Variants in PRDM16 observed in about 807,000 individuals in gnomAD.
The protein encoded by PRDM16 is PR/SET domain 16, also known as histone-lysine N-methyltransferase PRDM16.
Under a neutral mutation model 110.6 loss-of-function variants are expected in PRDM16, and 23 were observed. The observed-to-expected ratio is 0.21, with a 90% confidence interval of 0.15 to 0.29. The LOEUF is 0.29. Ranked by LOEUF, PRDM16 falls within the 10% of genes least tolerant of loss-of-function variation. The pLI is 1.00. For synonymous variants in PRDM16, 799 were observed against 781.8 expected, an observed-to-expected ratio of 1.02 and a Z score of -0.37; for missense variants, 1,615 against 1,794.3, an observed-to-expected ratio of 0.90 and a Z score of 1.81.
At position 3,246,076 on chromosome 1, in the gene PRDM16, C is replaced by CG. The variant is rs946335371; in HGVS notation, c.438+1944dup. ...AGGTCAAGTCTAGATTTAAAGGGCC[C>CG]GGGGGAGGCAAGTGCTGGCTGCTTC... On this transcript the variant is annotated intron_variant, in intron 3 of 16. Coordinates refer to ENST00000270722, the MANE Select transcript of PRDM16 (RefSeq NM_022114.4). This position sits in a 1 kb window ranked among gnomAD's most constrained non-coding sequence, Gnocchi z 5.2. Among the ~76,000 whole-genome samples, 1 of 152,066 alleles carries CG rather than the reference C, an allele frequency of 6.6e-6. No homozygotes were observed. Among genetic ancestry groups the CG allele is most frequent in the East Asian group, 1.9e-4 (1 of 5,184 alleles).
At chr1:3,426,519 A>C (rs1267330004) in intron 14 of PRDM16, among the ~76,000 whole-genome samples, 1 of 152,174 alleles carries the variant, frequency 6.6e-6, no homozygotes, top group Non-Finnish European at 1.5e-5. Flanking sequence ...CGAGCCGGGC[A>C]CAAGTTCAGC....
rs375668755 is a variant in PRDM16 at position 3,218,046 on chromosome 1, C to T, written c.388-26041C>T. On this transcript the variant is annotated intron_variant, in intron 2 of 16. Coordinates refer to ENST00000270722, the MANE Select transcript of PRDM16 (RefSeq NM_022114.4). ...CATCCAACATCTGCAGGCCCTGGGG[C>T]GAGCCCCTCGCTGCCGCCCCCATCC... Among the ~76,000 whole-genome samples, 47 of 152,356 alleles carry T rather than the reference C, an allele frequency of 3.1e-4. 1 individual carries two copies. The South Asian group carries it at 7.7e-3, about 25-fold the overall frequency.
intron 1 of PRDM16, among the ~76,000 whole-genome samples, chr1:3,139,545 G>A (rs1241302738): frequency 2.6e-5 from 4 of 152,272 alleles, no homozygotes; most frequent in Non-Finnish European, 4.4e-5. Flanking sequence ...GCATCCGGGG[G>A]TGCTCGGGCA....
intron 3 of PRDM16, among the ~76,000 whole-genome samples, chr1:3,295,654 T>G (rs1641072073): frequency 6.6e-6 from 1 of 152,230 alleles, no homozygotes; most frequent in Non-Finnish European, 1.5e-5. Flanking sequence ...CGCCAGGCTC[T>G]GAGGCCTGCA....
intron 1 of PRDM16, among the ~76,000 whole-genome samples, chr1:3,077,676 G>A (rs879750412): frequency 7.2e-5 from 11 of 152,182 alleles, no homozygotes; most frequent in Non-Finnish European, 1.3e-4. Context: ...GCCTGTTTGG[G>A]AAGCTGATTG....
At chr1:3,161,769 G>T (rs1051153811) in intron 1 of PRDM16, among the ~76,000 whole-genome samples, 1 of 152,232 alleles carries the variant, frequency 6.6e-6, no homozygotes, top group Non-Finnish European at 1.5e-5. Flanking sequence ...CACCTGAACA[G>T]TCCTAAGCAG....
At chr1:3,381,783 T>C (rs1209016225) in intron 3 of PRDM16, among the ~76,000 whole-genome samples, 1 of 152,186 alleles carries the variant, frequency 6.6e-6, no homozygotes, top group Non-Finnish European at 1.5e-5. Flanking sequence ...CCCTGGCCCC[T>C]GTACCATATA....
chr1:3,322,221 G>C (rs992781108), intron 3 of PRDM16, among the ~76,000 whole-genome samples: 2 of 152,086 alleles, frequency 1.3e-5, no homozygotes, highest in African/African-American at 4.8e-5. Flanking sequence ...GTGTGAGCAT[G>C]TGCACGTGTG....
At chr1:3,328,527 G>T (rs1025170738) in intron 3 of PRDM16, among the ~76,000 whole-genome samples, 1 of 152,172 alleles carries the variant, frequency 6.6e-6, no homozygotes, top group African/African-American at 2.4e-5. Flanking sequence ...GACCCTGTGG[G>T]TTCAAAGGGC....
intron 1 of PRDM16, among the ~76,000 whole-genome samples, chr1:3,100,619 G>A (rs972736422): frequency 5.9e-5 from 9 of 152,170 alleles, no homozygotes; most frequent in Non-Finnish European, 1.0e-4. Flanking sequence ...CCCAGTTCCC[G>A]AGGGGCATTT....
At chr1:3,166,188 C>T (rs1440265302) in intron 1 of PRDM16, among the ~76,000 whole-genome samples, 1 of 152,258 alleles carries the variant, frequency 6.6e-6, no homozygotes, top group Non-Finnish European at 1.5e-5. Flanking sequence ...CTGGCTTTTT[C>T]CATAGCCTTT....
intron 1 of PRDM16, among the ~76,000 whole-genome samples, chr1:3,147,011 GGTATGCGCACGT>G (rs1643682003): frequency 1.6e-5 from 1 of 64,304 alleles, no homozygotes; most frequent in African/African-American, 6.6e-5. Flanking sequence ...TGGTGTGGGG[GGTATGCGCACGT>G]GTGTGCTCGG....
intron 1 of PRDM16, among the ~76,000 whole-genome samples, chr1:3,172,315 C>T (rs559229824): frequency 3.3e-4 from 51 of 152,264 alleles, no homozygotes; most frequent in African/African-American, 1.1e-3. Flanking sequence ...CTGTCCTTGC[C>T]TATAGGAATG....
intron 1 of PRDM16, among the ~76,000 whole-genome samples, chr1:3,161,436 G>C (rs1433243515): frequency 6.6e-6 from 1 of 152,230 alleles, no homozygotes; most frequent in African/African-American, 2.4e-5. Context: ...CTGATTAGCG[G>C]GTCGGGCAAT....
chr1:3,218,900 A>G (rs1211165014), intron 2 of PRDM16, among the ~76,000 whole-genome samples: 1 of 152,232 alleles, frequency 6.6e-6, no homozygotes, highest in African/African-American at 2.4e-5. Flanking sequence ...TCTTCCCTGC[A>G]AAGAGCTTTC....
At position 3,370,308 on chromosome 1, in the gene PRDM16, G is replaced by A. The variant is rs1642884443; in HGVS notation, c.439-14844G>A. Reference sequence around the variant, plus strand: ...CCAGAGAGGCAAGTAACCAGGAAAAGGCTTTCCACATCCCTCAGCAGAGCC... The same window carrying A: ...CCAGAGAGGCAAGTAACCAGGAAAAAGCTTTCCACATCCCTCAGCAGAGCC... On this transcript the variant is annotated intron_variant, in intron 3 of 16. Coordinates refer to ENST00000270722, the MANE Select transcript of PRDM16 (RefSeq NM_022114.4). The surrounding 1 kb of genome is among the most constrained non-coding windows in gnomAD (Gnocchi z 4.8). Among the ~76,000 whole-genome samples the A allele has an allele frequency of 6.6e-6, 1 of 152,174 alleles. No individual in the cohort carries two copies. The highest frequency in any genetic ancestry group is 6.5e-5 in the Admixed American group (1 of 15,272).
At chr1:3,275,979 G>A (rs1343474009) in intron 3 of PRDM16, among the ~76,000 whole-genome samples, 3 of 152,188 alleles carry the variant, frequency 2.0e-5, no homozygotes, top group Admixed American at 6.5e-5. Flanking sequence ...TCCAGCACAC[G>A]CGTGCCTGCT....
Position 3,094,415 on chromosome 1 carries a change from G to A in PRDM16, c.37+25119G>A, listed in dbSNP as rs543729252. The stretch of plus-strand genomic sequence containing the variant: ...GGGCTCCCAAGGTCAATGCTGGCCC[G>A]TGGCCCCAGCCCGTCTCAGGCCTGC... On this transcript the variant is annotated intron_variant, in intron 1 of 16. Transcript: ENST00000270722. Among the ~76,000 whole-genome samples, 25 of 152,356 alleles carry A rather than the reference G, an allele frequency of 1.6e-4. No homozygotes were observed. In the South Asian group the frequency reaches 4.1e-3, roughly 25 times the overall value.
chr1:3,294,750 A>T (rs1641049347), intron 3 of PRDM16, among the ~76,000 whole-genome samples: 2 of 152,218 alleles, frequency 1.3e-5, no homozygotes, highest in Admixed American at 1.3e-4. Context: ...AGCCCACGAG[A>T]GACTCAGAGG....
Sources: allele counts gnomAD v4.1 joint callset (sites outside exome capture counted in the v4.1 genomes callset), GRCh38; gene constraint gnomAD v4.1.1; non-coding constraint Gnocchi (gnomAD v3.1); transcripts MANE v1.5; gene names NCBI Gene and HGNC (gene_info 2026-07-23, HGNC 2026-07-21).